GABBR2: variants seen among roughly 807,000 people sequenced by gnomAD.
GABBR2 encodes the protein G-protein coupled receptor 51.
A neutral mutation model predicts 105.6 loss-of-function variants in GABBR2; 23 were observed. That is an observed-to-expected ratio of 0.22 (90% CI 0.16 to 0.31). GABBR2 has a LOEUF of 0.31. Among genes scored for constraint, GABBR2 ranks in the 10% least tolerant of loss-of-function variants. GABBR2 has a pLI of 1.00. For missense variants in GABBR2, 734 were observed against 1,245.5 expected (o/e 0.59, Z 6.18); for synonymous variants, 478 against 499.7 (o/e 0.96, Z 0.58).
intron 1 of GABBR2, among the ~76,000 whole-genome samples, chr9:98,699,082 GAGCCC>G (rs751037722): frequency 2.0e-5 from 3 of 152,120 alleles, no homozygotes; most frequent in Non-Finnish European, 4.4e-5. Context: ...GCCAGGACCA[GAGCCC>G]AATCTAGCCT....
Position 98,339,973 on chromosome 9 carries a change from C to T in GABBR2, c.1893+22742G>A, listed in dbSNP as rs1194732917. 2.0e-5 allele frequency among the ~76,000 whole-genome samples: 3 copies of T among 152,198 alleles called. No homozygotes were observed. The East Asian group carries it at 5.8e-4, about 29-fold the overall frequency. ...TGAACTCGGGCATGGACATATGATG[C>T]ATTCTGGGCAATGAGATATGGGTAG... On this transcript the variant is annotated intron_variant, in intron 13 of 18. Coordinates refer to ENST00000259455, the MANE Select transcript of GABBR2 (RefSeq NM_005458.8).
In GABBR2 at chr9:98,708,574, G is replaced by C. The variant is rs760155306; in HGVS notation, c.164C>G (p.Pro55Arg). Residue 55 changes from proline to arginine, a missense_variant, in exon 1 of 19, where the codon CCG (proline) becomes CGG (arginine). Pro to Arg is a moderately radical substitution (Grantham distance 103). Around this residue, in one of 7 missense-constraint regions of GABBR2, gnomAD observed 70 missense variants for 73.4 expected, o/e 0.95. Coordinates refer to ENST00000259455, the MANE Select transcript of GABBR2 (RefSeq NM_005458.8). ...CGGCATGAGGCCCATGATGGAGAGCGGCGGGCTGCTGGGCGGCGGCCGGGG... is the reference window on the plus strand; with the variant it reads ...CGGCATGAGGCCCATGATGGAGAGCCGCGGGCTGCTGGGCGGCGGCCGGGG... ...GAPRPPPSSP[P>R]LSIMGLMPLT... 6.5e-7 allele frequency: 1 copy of C among 1,530,228 alleles called. No homozygotes were observed. Among genetic ancestry groups the C allele is most frequent in the Non-Finnish European group, 8.8e-7 (1 of 1,141,758 alleles). The allele number at this position is 1,530,228 out of a possible 1,614,324, so 94.8% of individuals were successfully genotyped here.
chr9:98,393,342 A>ACCATCCATCCATCCATCCATCCAT (rs921463721), intron 9 of GABBR2, among the ~76,000 whole-genome samples: 4,572 of 104,174 alleles, frequency 0.044, 459 homozygotes, highest in African/African-American at 0.16. Context: ...CATCCACCCA[A>ACCATCCATCCATCCATCCATCCAT]CCATCCATCC....
chr9:98,529,865 C>T (rs1375071780), intron 3 of GABBR2, among the ~76,000 whole-genome samples: 2 of 152,172 alleles, frequency 1.3e-5, no homozygotes, highest in Admixed American at 1.3e-4. Context: ...TAGAGGCATG[C>T]AGGGATCTTC....
At chr9:98,537,246 A>G (rs542945767) in intron 3 of GABBR2, among the ~76,000 whole-genome samples, 1 of 152,246 alleles carries the variant, frequency 6.6e-6, no homozygotes, top group Non-Finnish European at 1.5e-5. Flanking sequence ...ATGCCACAGC[A>G]TGATGTGCCT....
chr9:98,484,467 A>G (rs1436033077), intron 4 of GABBR2, among the ~76,000 whole-genome samples: 1 of 151,874 alleles, frequency 6.6e-6, no homozygotes, highest in Non-Finnish European at 1.5e-5. Context: ...GTGAACACAT[A>G]CTCTGCTTCT....
chr9:98,578,954 G>A (rs565454218), intron 1 of GABBR2, among the ~76,000 whole-genome samples: 170 of 152,264 alleles, frequency 1.1e-3, no homozygotes, highest in African/African-American at 3.9e-3. Flanking sequence ...CCCGGGGCTG[G>A]GGGGAGCAGG....
intron 13 of GABBR2, among the ~76,000 whole-genome samples, chr9:98,361,119 A>G (rs570107981): frequency 3.9e-5 from 6 of 152,322 alleles, no homozygotes; most frequent in African/African-American, 1.4e-4. Context: ...TCTGTGGCCA[A>G]TGAACAAAGG....
At chr9:98,318,167 A>G (rs1024491561) in intron 13 of GABBR2, among the ~76,000 whole-genome samples, 1 of 152,246 alleles carries the variant, frequency 6.6e-6, no homozygotes, top group Admixed American at 6.5e-5. Flanking sequence ...TAATGTGAGC[A>G]CAAAGTGCCT....
chr9:98,393,193 T>A (rs560807875), intron 9 of GABBR2, among the ~76,000 whole-genome samples: 2 of 111,288 alleles, frequency 1.8e-5, no homozygotes, highest in East Asian at 6.3e-4. Flanking sequence ...CATCTATCCA[T>A]CCACTTGATC....
intron 1 of GABBR2, among the ~76,000 whole-genome samples, chr9:98,643,588 C>T (rs1015838183): frequency 3.3e-5 from 5 of 152,154 alleles, no homozygotes; most frequent in African/African-American, 4.8e-5. Flanking sequence ...GAGCTCCTTG[C>T]GCAGAGGGAC....
intron 1 of GABBR2, among the ~76,000 whole-genome samples, chr9:98,662,740 T>C (rs1230779429): frequency 6.6e-6 from 1 of 152,130 alleles, no homozygotes; most frequent in Admixed American, 6.5e-5. Flanking sequence ...CACTCCTCCC[T>C]AACACAGGCT....
At chr9:98,705,732 AG>A (rs1214755565) in intron 1 of GABBR2, among the ~76,000 whole-genome samples, 1 of 152,226 alleles carries the variant, frequency 6.6e-6, no homozygotes, top group Non-Finnish European at 1.5e-5. Context: ...TCAGGGAGAA[AG>A]CACCTCTACT....
At chr9:98,503,635 A>T (rs990162355) in intron 3 of GABBR2, among the ~76,000 whole-genome samples, 2 of 152,122 alleles carry the variant, frequency 1.3e-5, no homozygotes, top group African/African-American at 4.8e-5. Context: ...TGTATTAGTC[A>T]TCTACTGCTG....
intron 7 of GABBR2, among the ~76,000 whole-genome samples, chr9:98,414,308 A>G (rs1226169324): frequency 1.3e-5 from 2 of 152,242 alleles, no homozygotes; most frequent in Admixed American, 6.5e-5. Flanking sequence ...GGGGGAGAAT[A>G]TCCTGGAAGG....
intron 3 of GABBR2, among the ~76,000 whole-genome samples, chr9:98,525,808 A>G (rs1019988179): frequency 2.0e-5 from 3 of 152,244 alleles, no homozygotes; most frequent in Non-Finnish European, 4.4e-5. Context: ...TACATCCACA[A>G]ATTGGAATAT....
chr9:98,592,067 A>G (rs1437542743), intron 1 of GABBR2, among the ~76,000 whole-genome samples: 1 of 152,246 alleles, frequency 6.6e-6, no homozygotes, highest in East Asian at 1.9e-4. Context: ...AACAACCGCC[A>G]TCTTGAATGC....
At chr9:98,655,876 C>A (rs904232807) in intron 1 of GABBR2, among the ~76,000 whole-genome samples, 1 of 152,098 alleles carries the variant, frequency 6.6e-6, no homozygotes, top group Admixed American at 6.5e-5. Flanking sequence ...AGGAGAAATA[C>A]CTAATGTAGA....
intron 8 of GABBR2, among the ~76,000 whole-genome samples, chr9:98,399,375 A>G (rs1832349994): frequency 6.7e-6 from 1 of 148,812 alleles, no homozygotes; most frequent in Admixed American, 6.6e-5. Context: ...AAAAGAATTC[A>G]TCTTGGATGC....
Sources: allele counts gnomAD v4.1 joint callset (sites outside exome capture counted in the v4.1 genomes callset), GRCh38; gene constraint gnomAD v4.1.1; regional missense constraint gnomAD v4.1.1; transcripts MANE v1.5; gene names NCBI Gene and HGNC (gene_info 2026-07-23, HGNC 2026-07-21).